Variants in THOC2 observed in about 807,000 individuals in gnomAD.
THOC2 encodes the protein THO complex 2.
In THOC2, 10 loss-of-function variants were observed where a neutral mutation model predicts 128.4. That is an observed-to-expected ratio of 0.08 (90% CI 0.05 to 0.13). THOC2 has a LOEUF of 0.13. Ranked by LOEUF, THOC2 falls within the 10% of genes least tolerant of loss-of-function variation. The pLI is 1.00. For synonymous variants in THOC2, 393 were observed against 396.9 expected (o/e 0.99, Z 0.12); for missense variants, 535 against 1,155.7 (o/e 0.46, Z 7.79).
At chrX:123,633,071 G>A in intron 20 of THOC2, 31 bp from the exon 21 acceptor site, 2 of 1,112,585 alleles carry the variant, frequency 1.8e-6, no homozygotes, top group Non-Finnish European at 2.5e-6. Flanking sequence ...ATTTACCAGT[G>A]TACAGTACAT....
rs902655034 is a variant in THOC2, at chrX:123,695,312, T to C, written c.601+709A>G. 6.3e-5 allele frequency among the ~76,000 whole-genome samples: 7 copies of C among 111,966 alleles called. No homozygotes were observed. In the East Asian group the frequency reaches 1.7e-3, roughly 27 times the overall value. On this transcript the variant is annotated intron_variant, in intron 7 of 38. Coordinates refer to ENST00000245838, the MANE Select transcript of THOC2 (RefSeq NM_001081550.2). ...CTTTCCACCTCAGGAAAATCTGGAT[T>C]ACCCTATTTTTCTAGTGCTCATTCA...
At chrX:123,691,166 T>C (rs1199901808) in intron 7 of THOC2, among the ~76,000 whole-genome samples, 1 of 111,749 alleles carries the variant, frequency 8.9e-6, no homozygotes, top group East Asian at 2.8e-4. Context: ...GAGCCAAGAC[T>C]GTACCACTGC....
At chrX:123,647,840 C>CAAAAAAAAA (rs60123342) in intron 12 of THOC2, among the ~76,000 whole-genome samples, 1 of 37,516 alleles carries the variant, frequency 2.7e-5, no homozygotes, top group Non-Finnish European at 4.5e-5. Context: ...GACTCTGTCT[C>CAAAAAAAAA]AAAAAAAAAA....
rs185516375 is a variant in THOC2 at position 123,609,662 on chromosome X, G to A, written c.*18+1256C>T. ...ATACTTAATTAATTAATATATTAAC[G>A]AAGTATAGAAAAGCAAGTATACTTA... On this transcript the variant is annotated intron_variant, in intron 38 of 38. Transcript: ENST00000245838. Among the ~76,000 whole-genome samples the A allele has an allele frequency of 5.5e-4, 61 of 111,753 alleles. No individual in the cohort carries two copies. In the Middle Eastern group the frequency reaches 0.023, roughly 42 times the overall value.
intron 19 of THOC2, among the ~76,000 whole-genome samples, chrX:123,634,526 C>G (rs1315085741): frequency 4.5e-5 from 5 of 111,696 alleles, no homozygotes; most frequent in Non-Finnish European, 7.5e-5. Flanking sequence ...GAGCTATTCT[C>G]TTAAATAACC....
chrX:123,671,737 A>G lies in THOC2; in HGVS notation c.793T>C (p.Ser265Pro), dbSNP rs373048198. Residue 265 changes from serine to proline, a missense_variant, in exon 9 of 39, where the codon TCT becomes CCT. Ser to Pro is a moderately conservative substitution (Grantham distance 74). Transcript: ENST00000245838. ...YQEPNGETPSSLYRVAAVLLQ... is the reference protein window; with the variant it reads ...YQEPNGETPSPLYRVAAVLLQ... ...AGTACTGCTGCAACTCTGTATAAAGATGATGGTGTCTCGCCATTTGGTTCC... is the reference window on the plus strand; with the variant it reads ...AGTACTGCTGCAACTCTGTATAAAGGTGATGGTGTCTCGCCATTTGGTTCC... The G allele has an allele frequency of 1.4e-5, 17 of 1,179,495 alleles. No homozygotes were observed. Among genetic ancestry groups the G allele is most frequent in the Non-Finnish European group, 1.7e-5 (15 of 876,504 alleles).
chrX:123,683,421 T>C (rs1411739912), intron 8 of THOC2, among the ~76,000 whole-genome samples: 1 of 111,029 alleles, frequency 9.0e-6, no homozygotes, highest in Admixed American at 9.6e-5. Flanking sequence ...CAGGGACCAA[T>C]ACACAGATTG....
At chrX:123,667,436 T>C (rs1406609377) in intron 10 of THOC2, among the ~76,000 whole-genome samples, 158 bp from the exon 11 acceptor site, 1 of 112,030 alleles carries the variant, frequency 8.9e-6, no homozygotes, top group Non-Finnish European at 1.9e-5. Flanking sequence ...TCAAAATTTT[T>C]AGCTATTGAA....
intron 3 of THOC2, 53 bp from the exon 4 acceptor site, chrX:123,703,558 T>C (rs1190639512): frequency 1.2e-6 from 1 of 838,925 alleles, no homozygotes. Context: ...ACAGCAAGTA[T>C]TAGGGTTTCA....
At chrX:123,616,391 G>A (rs1459975180) in intron 33 of THOC2, among the ~76,000 whole-genome samples, 1 of 110,989 alleles carries the variant, frequency 9.0e-6, no homozygotes, top group African/African-American at 3.3e-5. Flanking sequence ...ATGTAGCATC[G>A]CTGGGTTTTG....
chrX:123,624,403 A>C, intron 26 of THOC2, 138 bp downstream of exon 26: 1 of 764,423 alleles, frequency 1.3e-6, no homozygotes, highest in Non-Finnish European at 1.9e-6. Context: ...TTTTAATAAC[A>C]AATTAATTGT....
intron 19 of THOC2, among the ~76,000 whole-genome samples, chrX:123,634,910 C>T (rs1402350205): frequency 8.9e-6 from 1 of 111,953 alleles, no homozygotes; most frequent in Non-Finnish European, 1.9e-5. Flanking sequence ...GAAATAATAC[C>T]TTATGTCCTC....
chrX:123,701,303 C>T (rs1419489092), intron 4 of THOC2, among the ~76,000 whole-genome samples: 6 of 112,263 alleles, frequency 5.3e-5, no homozygotes, highest in Non-Finnish European at 7.5e-5. Flanking sequence ...TTGCAGTGAG[C>T]CAAGATCGTG....
intron 38 of THOC2, among the ~76,000 whole-genome samples, chrX:123,605,190 A>G (rs1269375799): frequency 1.8e-5 from 2 of 111,648 alleles, no homozygotes; most frequent in Non-Finnish European, 3.8e-5. Context: ...CAGGATAATT[A>G]TGTGTGTAGG....
intron 1 of THOC2, among the ~76,000 whole-genome samples, chrX:123,729,298 T>C (rs1015069652): frequency 1.8e-5 from 2 of 111,989 alleles, no homozygotes; most frequent in Non-Finnish European, 3.8e-5. Context: ...GGAAACATAA[T>C]GGGATATCTA....
chrX:123,603,738 C>T, intron 38 of THOC2: 1 of 371,633 alleles, frequency 2.7e-6, no homozygotes. Context: ...CTTAGGGGGT[C>T]TGTCCATAGC....
Position 123,671,771 on chromosome X carries a change from TAA to T in THOC2, c.769-12_769-11del, listed in dbSNP as rs201356571. The T allele has an allele frequency of 1.2e-5, 12 of 1,031,320 alleles. No homozygotes were observed. In the East Asian group the frequency reaches 2.4e-4, roughly 20 times the overall value. The allele number at this position is 1,031,320 out of a possible 1,213,427, so 85.0% of individuals were successfully genotyped here. A position where few individuals can be genotyped will look rare whatever the true frequency, so the allele number is the denominator to read the frequency against. On this transcript the variant is annotated splice_polypyrimidine_tract_variant and intron_variant, in intron 8 of 38. Transcript: ENST00000245838. ...TCTCGCCATTTGGTTCCTAGAAATA[TAA>T]AAAAAAAAGTTTCCATTTAGTGCAG...
At chrX:123,700,544 T>TGGGGGGGGGGGGGGGGGGG (rs1216548328) in intron 4 of THOC2, among the ~76,000 whole-genome samples, 1 of 22,941 alleles carries the variant, frequency 4.4e-5, no homozygotes, top group Non-Finnish European at 8.1e-5. Context: ...GGTGAGGGGG[T>TGGGGGGGGGGGGGGGGGGG]GGGGGGGGGT....
intron 8 of THOC2, among the ~76,000 whole-genome samples, chrX:123,676,402 C>T (rs923436653): frequency 8.0e-5 from 9 of 111,871 alleles, no homozygotes; most frequent in African/African-American, 2.9e-4. Flanking sequence ...TCACCATGGC[C>T]ACCACTGATC....
Sources: allele counts gnomAD v4.1 joint callset (sites outside exome capture counted in the v4.1 genomes callset), GRCh38; gene constraint gnomAD v4.1.1; transcripts MANE v1.5; gene names NCBI Gene and HGNC (gene_info 2026-07-23, HGNC 2026-07-21).